NR2C1: variants seen among roughly 807,000 people sequenced by gnomAD.
NR2C1 encodes the protein TR2 nuclear hormone receptor.
In NR2C1, 33 loss-of-function variants were observed where a neutral mutation model predicts 74.8. The ratio of observed to expected loss-of-function variants is 0.44; its 90% CI spans 0.33 to 0.59. NR2C1 has a LOEUF of 0.59. NR2C1 is among the 20% of genes least tolerant of loss of function. NR2C1 has a pLI of 0.02. For missense variants in NR2C1, 568 were observed against 715.6 expected, an observed-to-expected ratio of 0.79 and a Z score of 2.35; for synonymous variants, 225 against 240.6, an observed-to-expected ratio of 0.94 and a Z score of 0.60.
In NR2C1 at chr12:95,021,007, T is replaced by G. The variant is rs1024288810; in HGVS notation, c.*1222A>C. The G allele has an allele frequency of 1.9e-4, 29 of 152,150 alleles. No homozygotes were observed. The highest frequency in any genetic ancestry group is 6.8e-4 in the African/African-American group (28 of 41,446). The allele number at this position is 152,150 out of a possible 1,614,324, so 9.4% of individuals were successfully genotyped here. The stretch of plus-strand genomic sequence containing the variant: ...ACATGTACTGGCTATGATAAATCCA[T>G]TATTTGACATATTGGGTGAGTTTTT... On this transcript the variant is annotated 3_prime_UTR_variant, in exon 14 of 14. Transcript: ENST00000333003.
intron 1 of NR2C1, among the ~76,000 whole-genome samples, chr12:95,071,085 C>T (rs750805250): frequency 2.6e-5 from 4 of 151,944 alleles, no homozygotes; most frequent in Non-Finnish European, 4.4e-5. Context: ...CCTGTGATCC[C>T]AGCTATGCAG....
intron 1 of NR2C1, among the ~76,000 whole-genome samples, chr12:95,072,096 T>C (rs909302172): frequency 6.7e-6 from 1 of 148,840 alleles, no homozygotes; most frequent in Admixed American, 6.7e-5. Flanking sequence ...TCAGATATAC[T>C]AACTGGACTT....
intron 13 of NR2C1, among the ~76,000 whole-genome samples, chr12:95,023,672 G>C (rs1270706086): frequency 1.3e-5 from 2 of 152,164 alleles, no homozygotes; most frequent in East Asian, 1.9e-4. Context: ...TTCTGTGCCA[G>C]GTAGTGAGGT....
chr12:95,069,910 A>C (rs1365479794), intron 1 of NR2C1, among the ~76,000 whole-genome samples: 3 of 152,094 alleles, frequency 2.0e-5, no homozygotes, highest in Non-Finnish European at 4.4e-5. Context: ...TGAGTCCCTG[A>C]TGTCTTCCAG....
intron 9 of NR2C1, among the ~76,000 whole-genome samples, chr12:95,042,939 A>AAAAC (rs1469327616): frequency 4.2e-4 from 64 of 151,262 alleles, no homozygotes; most frequent in African/African-American, 1.4e-3. Context: ...CTACAAAAAA[A>AAAAC]AAAAAAAAAA....
At chr12:95,069,416 C>A (rs1233263923) in intron 1 of NR2C1, among the ~76,000 whole-genome samples, 1 of 152,160 alleles carries the variant, frequency 6.6e-6, no homozygotes, top group Non-Finnish European at 1.5e-5. Context: ...ACACCTCTTC[C>A]ACGTTTAGAT....
chr12:95,071,958 G>C lies in NR2C1; in HGVS notation c.-8+1422C>G, dbSNP rs560456555. Among the ~76,000 whole-genome samples, 6 of 151,398 alleles carry C rather than the reference G, an allele frequency of 4.0e-5. No individual in the cohort carries two copies. The East Asian group carries it at 1.2e-3, about 30-fold the overall frequency. Reference sequence around the variant, plus strand: ...AAACGGGGTTTCTCCATGTTGGTCAGGCTGGTCTCGAACTCCCGACTTCAG... The same window carrying C: ...AAACGGGGTTTCTCCATGTTGGTCACGCTGGTCTCGAACTCCCGACTTCAG... On this transcript the variant is annotated intron_variant, in intron 1 of 13. Coordinates refer to ENST00000333003, the MANE Select transcript of NR2C1 (RefSeq NM_003297.4).
At position 95,058,498 on chromosome 12, in the gene NR2C1, A is replaced by G; in HGVS notation, c.365-9T>C. On this transcript the variant is annotated splice_polypyrimidine_tract_variant and intron_variant, in intron 4 of 13. Coordinates refer to ENST00000333003, the MANE Select transcript of NR2C1 (RefSeq NM_003297.4). ...TGCTCCATAATGACGTCCTAGAGAG[A>G]AAATGTTTAAGAAAATATAAAAGTC... is the stretch of plus-strand genomic sequence containing the variant. 1 of 1,599,158 alleles carries G rather than the reference A, an allele frequency of 6.3e-7. No individual in the cohort carries two copies. Among genetic ancestry groups the G allele is most frequent in the Non-Finnish European group, 8.5e-7 (1 of 1,173,794 alleles).
chr12:95,057,573 C>T lies in NR2C1; in HGVS notation c.763G>A (p.Val255Met), dbSNP rs1313960255. 6 of 1,613,184 alleles carry T rather than the reference C, an allele frequency of 3.7e-6. No individual in the cohort carries two copies. The highest frequency in any genetic ancestry group is 4.2e-6 in the Non-Finnish European group (5 of 1,179,240). Residue 255 changes from valine (V) to methionine (M), a missense_variant, in exon 7 of 14, where the codon GTG becomes ATG. Val to Met is a conservative substitution (Grantham distance 21). Transcript: ENST00000333003. ...CACACCTTATCTGATGTCATCAGCA[C>T]AGCTGACTCAGTTTTTACTCCAGAT... ...HPSGVKTESA[V>M]LMTSDKAESC...
intron 8 of NR2C1, 67 bp downstream of exon 8, chr12:95,051,695 A>C: frequency 1.5e-6 from 2 of 1,365,298 alleles, no homozygotes; most frequent in South Asian, 2.7e-5. Flanking sequence ...ATTTAACATA[A>C]AAATGTTTTA....
At chr12:95,069,963 T>C (rs77346728) in intron 1 of NR2C1, among the ~76,000 whole-genome samples, 6,791 of 152,256 alleles carry the variant, frequency 0.045, 207 homozygotes, top group Middle Eastern at 0.095. Context: ...AGATGGTCTC[T>C]ACCCTGAAGA....
intron 13 of NR2C1, among the ~76,000 whole-genome samples, chr12:95,024,047 A>G (rs1869061073): frequency 6.6e-6 from 1 of 152,156 alleles, no homozygotes; most frequent in Admixed American, 6.5e-5. Context: ...TCCACATCAA[A>G]TTACTCAGCT....
At position 95,073,563 on chromosome 12, in the gene NR2C1, G is replaced by A. The variant is rs1355935534; in HGVS notation, c.-191C>T. The A allele has an allele frequency of 1.3e-5, 2 of 152,296 alleles. No individual in the cohort carries two copies. The highest frequency in any genetic ancestry group is 2.9e-5 in the Non-Finnish European group (2 of 68,076). 9.4% of individuals were successfully genotyped at this position (152,296 alleles called of 1,614,324 possible). On this transcript the variant is annotated 5_prime_UTR_variant, in exon 1 of 14. Transcript: ENST00000333003. ...GTATTTCTGGGGGGTCAGAGTTCGT[G>A]ACCTCTTTCTCGGCTCGGCGGCGCG...
Position 95,065,065 on chromosome 12 carries a change from T to C in NR2C1, c.54+2266A>G, listed in dbSNP as rs76815898. On this transcript the variant is annotated intron_variant, in intron 2 of 13. Transcript: ENST00000333003. ...AAAGGACATTACTGCAGCATAATAA[T>C]TGTAATAATTGAATATTTGGGCAAT... 8.2e-4 allele frequency among the ~76,000 whole-genome samples: 125 copies of C among 152,362 alleles called. 1 individual carries two copies. The East Asian group carries it at 0.022, about 26-fold the overall frequency.
chr12:95,034,983 T>C (rs977400281), intron 10 of NR2C1, among the ~76,000 whole-genome samples: 1 of 152,104 alleles, frequency 6.6e-6, no homozygotes, highest in Non-Finnish European at 1.5e-5. Flanking sequence ...ACATACACAA[T>C]GCCACAAAAT....
chr12:95,044,354 G>A (rs888443093), intron 9 of NR2C1, among the ~76,000 whole-genome samples: 1 of 150,964 alleles, frequency 6.6e-6, no homozygotes, highest in African/African-American at 2.4e-5. Flanking sequence ...TGCAACCTCC[G>A]CCTCCCGGGT....
At chr12:95,059,748 T>C (rs1215727004) in intron 4 of NR2C1, among the ~76,000 whole-genome samples, 158 bp downstream of exon 4, 1 of 152,122 alleles carries the variant, frequency 6.6e-6, no homozygotes, top group African/African-American at 2.4e-5. Context: ...TTAAATGTTA[T>C]AGGCTACAAA....
At position 95,020,847 on chromosome 12, in the gene NR2C1, C is replaced by G. The variant is rs1868706681; in HGVS notation, c.*1382G>C. Reference sequence around the variant, plus strand: ...TAAAATGAATTTGTTGTAGCAGTAACAAGGCTTCAGGCTGATTCTTATACT... The same window carrying G: ...TAAAATGAATTTGTTGTAGCAGTAAGAAGGCTTCAGGCTGATTCTTATACT... On this transcript the variant is annotated 3_prime_UTR_variant, in exon 14 of 14. Coordinates refer to ENST00000333003, the MANE Select transcript of NR2C1 (RefSeq NM_003297.4). The G allele has an allele frequency of 1.3e-5, 2 of 152,158 alleles. No homozygotes were observed. Among genetic ancestry groups the G allele is most frequent in the Admixed American group, 6.5e-5 (1 of 15,286 alleles). 9.4% of individuals were successfully genotyped at this position (152,158 alleles called of 1,614,324 possible).
intron 3 of NR2C1, among the ~76,000 whole-genome samples, chr12:95,061,178 T>C (rs1221010614): frequency 1.3e-5 from 2 of 152,156 alleles, no homozygotes; most frequent in African/African-American, 4.8e-5. Flanking sequence ...TCTGAGAAAC[T>C]GTCCTAGCCA....
Sources: allele counts gnomAD v4.1 joint callset (sites outside exome capture counted in the v4.1 genomes callset), GRCh38; gene constraint gnomAD v4.1.1; transcripts MANE v1.5; gene names NCBI Gene and HGNC (gene_info 2026-07-23, HGNC 2026-07-21).